Variants in GCNA observed in about 807,000 individuals in gnomAD.
GCNA encodes germ cell nuclear acidic peptidase, also known as germ cell nuclear acidic protein.
A neutral mutation model predicts 38.8 loss-of-function variants in GCNA; 3 were observed. That is an observed-to-expected ratio of 0.08 (90% CI 0.04 to 0.20). The LOEUF (loss-of-function observed/expected upper bound fraction) is 0.20. GCNA is among the 10% of genes least tolerant of loss of function. The pLI, the probability that GCNA is intolerant of heterozygous loss-of-function variation, is 1.00. For synonymous variants in GCNA, 195 were observed against 240.2 expected (o/e 0.81, Z 1.74); for missense variants, 446 against 578.6 (o/e 0.77, Z 2.35).
chrX:71,611,946 C>T (rs760516630), intron 11 of GCNA, among the ~76,000 whole-genome samples: 12 of 110,191 alleles, frequency 1.1e-4, no homozygotes, highest in African/African-American at 4.0e-4. Flanking sequence ...TCTGGTGGCG[C>T]TGAAAGTCGA....
At chrX:71,597,572 C>T (rs1391037784) in intron 6 of GCNA, among the ~76,000 whole-genome samples, 3 of 111,221 alleles carry the variant, frequency 2.7e-5, no homozygotes, top group Admixed American at 9.6e-5. Context: ...CATCTGTGGC[C>T]CTCTACCCTT....
chrX:71,592,545 A>G lies in GCNA; in HGVS notation c.115A>G (p.Arg39Gly). ...SDDTSGSSVA[R>G]RAPKRQASCI... is the part of the protein sequence containing the mutation. ...CTCTTTCTCTGATTTAGCTGTGGCC[A>G]GAAGAGCTCCGAAGAGACAGGCGAG... is the stretch of plus-strand genomic sequence containing the variant. The change falls in exon 4 of 13, where the codon AGA (arginine) becomes GGA (glycine). Residue 39 changes from arginine (R) to glycine (G), a missense_variant. Arg to Gly is a moderately radical substitution (Grantham distance 125). Transcript: ENST00000373696. The G allele has an allele frequency of 9.2e-7, 1 of 1,087,283 alleles. No individual in the cohort carries two copies. The highest frequency in any genetic ancestry group is 1.2e-6 in the Non-Finnish European group (1 of 828,510). 89.6% of individuals were successfully genotyped at this position (1,087,283 alleles called of 1,213,427 possible). A position where few individuals can be genotyped will look rare whatever the true frequency, so the allele number is the denominator to read the frequency against.
Position 71,604,610 on chromosome X carries a change from A to T in GCNA, c.1333A>T (p.Thr445Ser), listed in dbSNP as rs2040753627. Residue 445 changes from threonine to serine, a missense_variant, in exon 8 of 13, where the codon ACC becomes TCC. By Grantham distance (58) the Thr-to-Ser change is moderately conservative. Transcript: ENST00000373696. ...VEPPRKRQTKTKNIVEPLRKR... is the reference protein window; with the variant it reads ...VEPPRKRQTKSKNIVEPLRKR... ...GCCACCAAGGAAAAGGCAGACAAAG[A>T]CCAAAAATATAGTGGAGCCACTGAG... 8.3e-7 allele frequency: 1 copy of T among 1,202,096 alleles called. No individual in the cohort carries two copies. The highest frequency in any genetic ancestry group is 1.1e-6 in the Non-Finnish European group (1 of 890,968).
At chrX:71,599,044 A>G (rs2040693838) in intron 7 of GCNA, among the ~76,000 whole-genome samples, 1 of 104,719 alleles carries the variant, frequency 9.5e-6, no homozygotes, top group African/African-American at 3.5e-5. Context: ...TTTAGTAGAG[A>G]TGGGATTTCT....
chrX:71,606,590 C>T (rs780475201), intron 9 of GCNA, among the ~76,000 whole-genome samples: 1 of 111,447 alleles, frequency 9.0e-6, no homozygotes, highest in Non-Finnish European at 1.9e-5. Context: ...TATTTTTTAA[C>T]GAGTATTTGG....
chrX:71,600,717 AT>A (rs1433943475), intron 7 of GCNA, among the ~76,000 whole-genome samples: 1 of 112,070 alleles, frequency 8.9e-6, no homozygotes, highest in Admixed American at 9.5e-5. Flanking sequence ...GTAGGTGTAT[AT>A]ATTTATGGGG....
chrX:71,592,985 C>T (rs1361803609), intron 4 of GCNA, among the ~76,000 whole-genome samples: 6 of 111,947 alleles, frequency 5.4e-5, no homozygotes, highest in Non-Finnish European at 1.1e-4. Context: ...TCTCCACCTC[C>T]GGGGTTCAAG....
At chrX:71,611,948 G>T (rs951834161) in intron 11 of GCNA, among the ~76,000 whole-genome samples, 5 of 110,416 alleles carry the variant, frequency 4.5e-5, no homozygotes, top group African/African-American at 1.7e-4. Flanking sequence ...TGGTGGCGCT[G>T]AAAGTCGAGG....
In GCNA at chrX:71,601,340, A is replaced by AAAC. The variant is rs753574647; in HGVS notation, c.311-2229_311-2227dup. ...TGGCGGCAGAGCAAGACTCCATCTC[A>AAAC]AACAACAACAACAACAACAACGAGA... On this transcript the variant is annotated intron_variant, in intron 7 of 12. Coordinates refer to ENST00000373696, the MANE Select transcript of GCNA (RefSeq NM_052957.5). Among the ~76,000 whole-genome samples, 292 of 109,154 alleles carry AAAC rather than the reference A, an allele frequency of 2.7e-3. 1 individual carries two copies. Among genetic ancestry groups the AAAC allele is most frequent in the African/African-American group, 8.8e-3 (265 of 30,024 alleles). 94.8% of individuals were successfully genotyped at this position (109,154 alleles called of 115,157 possible).
intron 2 of GCNA, among the ~76,000 whole-genome samples, chrX:71,590,191 G>A (rs2040616824): frequency 8.9e-6 from 1 of 111,964 alleles, no homozygotes; most frequent in Non-Finnish European, 1.9e-5. Context: ...TTTTGACCAT[G>A]TATTTCTTCC....
chrX:71,594,851 C>T (rs1411455560), intron 6 of GCNA, 72 bp downstream of exon 6: 1 of 826,026 alleles, frequency 1.2e-6, no homozygotes, highest in African/African-American at 2.1e-5. Context: ...ACCCCATGCT[C>T]TGTCTAAGGA....
intron 7 of GCNA, among the ~76,000 whole-genome samples, chrX:71,602,462 C>T (rs1322147712): frequency 8.9e-6 from 1 of 112,084 alleles, no homozygotes; most frequent in African/African-American, 3.2e-5. Context: ...GCTGGGGTTA[C>T]AGGTGTGAGC....
chrX:71,591,600 G>A (rs1267194512), intron 2 of GCNA, among the ~76,000 whole-genome samples: 2 of 101,048 alleles, frequency 2.0e-5, no homozygotes, highest in Non-Finnish European at 4.0e-5. Flanking sequence ...CCTTTCCCCC[G>A]AGGCTCTTTT....
At chrX:71,595,991 G>A (rs1029158367) in intron 6 of GCNA, among the ~76,000 whole-genome samples, 17 of 112,141 alleles carry the variant, frequency 1.5e-4, no homozygotes, top group Non-Finnish European at 1.9e-5. Flanking sequence ...CAAGGTGGGC[G>A]GATCACTTGA....
chrX:71,599,013 T>G (rs1046131000), intron 7 of GCNA, among the ~76,000 whole-genome samples: 18 of 109,388 alleles, frequency 1.6e-4, no homozygotes, highest in South Asian at 1.2e-3. Context: ...GCTAATTTTT[T>G]TTGTTGTTGT....
chrX:71,579,419 G>T, intron 1 of GCNA, among the ~76,000 whole-genome samples: 1 of 97,276 alleles, frequency 1.0e-5, no homozygotes, highest in African/African-American at 3.8e-5. Flanking sequence ...TGAGGGAAGT[G>T]GGGGGTTCTG....
At chrX:71,601,266 G>A (rs2040712472) in intron 7 of GCNA, among the ~76,000 whole-genome samples, 1 of 110,094 alleles carries the variant, frequency 9.1e-6, no homozygotes, top group African/African-American at 3.3e-5. Flanking sequence ...GCTGGAACCC[G>A]GGAGGTGGAG....
intron 2 of GCNA, among the ~76,000 whole-genome samples, chrX:71,582,467 T>C (rs1461916138): frequency 9.0e-6 from 1 of 110,538 alleles, no homozygotes; most frequent in Non-Finnish European, 1.9e-5. Flanking sequence ...AAAAGTTTGA[T>C]GATACCCAGT....
At chrX:71,599,811 A>G (rs1394815471) in intron 7 of GCNA, among the ~76,000 whole-genome samples, 1 of 112,027 alleles carries the variant, frequency 8.9e-6, no homozygotes, top group Non-Finnish European at 1.9e-5. Context: ...TTTAATTTCA[A>G]CTGCAGGTGG....
Sources: allele counts gnomAD v4.1 joint callset (sites outside exome capture counted in the v4.1 genomes callset), GRCh38; gene constraint gnomAD v4.1.1; transcripts MANE v1.5; gene names NCBI Gene and HGNC (gene_info 2026-07-23, HGNC 2026-07-21).